Variants in LRRC63 observed in about 807,000 individuals in gnomAD.
LRRC63 encodes the protein leucine rich repeat containing 63.
A neutral mutation model predicts 49.5 loss-of-function variants in LRRC63; 40 were observed. That is an observed-to-expected ratio of 0.81 (90% CI 0.63 to 1.05). The LOEUF (loss-of-function observed/expected upper bound fraction) is 1.05, where lower values mean the gene tolerates loss of function less well. Ranked by LOEUF, LRRC63 falls within the 50% of genes least tolerant of loss-of-function variation. The pLI is 0.00. For synonymous variants in LRRC63, 191 were observed against 221.1 expected, an observed-to-expected ratio of 0.86 and a Z score of 1.21; for missense variants, 636 against 663.1, an observed-to-expected ratio of 0.96 and a Z score of 0.45.
intron 2 of LRRC63, among the ~76,000 whole-genome samples, chr13:46,213,621 G>C (rs1055641955): frequency 7.2e-5 from 11 of 152,202 alleles, no homozygotes; most frequent in Non-Finnish European, 1.5e-4. Flanking sequence ...GCTGTGATGG[G>C]CCTTACAGAG....
At chr13:46,232,809 T>G (rs555850070) in intron 4 of LRRC63, among the ~76,000 whole-genome samples, 1 of 152,288 alleles carries the variant, frequency 6.6e-6, no homozygotes, top group African/African-American at 2.4e-5. Flanking sequence ...TATATTTGAT[T>G]CAGATATTAG....
chr13:46,274,336 C>T (rs574612407), intron 9 of LRRC63, among the ~76,000 whole-genome samples: 2 of 152,280 alleles, frequency 1.3e-5, no homozygotes, highest in African/African-American at 4.8e-5. Flanking sequence ...ATTTGTCACC[C>T]AACCACTGTC....
At chr13:46,266,286 A>C (rs1390770708) in intron 8 of LRRC63, among the ~76,000 whole-genome samples, 1 of 152,256 alleles carries the variant, frequency 6.6e-6, no homozygotes, top group African/African-American at 2.4e-5. Flanking sequence ...GACCCAGTTA[A>C]TGAAAAGTCA....
At chr13:46,273,838 G>C (rs1023609551) in intron 9 of LRRC63, among the ~76,000 whole-genome samples, 1 of 151,362 alleles carries the variant, frequency 6.6e-6, no homozygotes, top group African/African-American at 2.4e-5. Context: ...CTTGAACCCA[G>C]GAGGCAGAGG....
intron 2 of LRRC63, among the ~76,000 whole-genome samples, chr13:46,216,663 G>A (rs552632343): frequency 8.4e-4 from 128 of 152,294 alleles, no homozygotes; most frequent in South Asian, 2.3e-3. Context: ...GGTGAGAGAG[G>A]GCATCCTTGT....
At chr13:46,219,248 T>C (rs1228525837) in intron 2 of LRRC63, among the ~76,000 whole-genome samples, 1 of 152,250 alleles carries the variant, frequency 6.6e-6, no homozygotes, top group Non-Finnish European at 1.5e-5. Context: ...CAATCAAATG[T>C]AGGTTTGGTC....
At chr13:46,240,149 C>T (rs1167710735) in intron 5 of LRRC63, among the ~76,000 whole-genome samples, 22 of 132,388 alleles carry the variant, frequency 1.7e-4, no homozygotes, top group East Asian at 8.9e-4. Context: ...TTTTTTTTGA[C>T]GGAGTCTCGC....
At chr13:46,265,462 C>A (rs1280520198) in intron 8 of LRRC63, among the ~76,000 whole-genome samples, 1 of 152,156 alleles carries the variant, frequency 6.6e-6, no homozygotes, top group African/African-American at 2.4e-5. Context: ...TATCAAGGCC[C>A]CAGCAGATGT....
intron 2 of LRRC63, among the ~76,000 whole-genome samples, chr13:46,222,014 C>T (rs1439231113): frequency 6.6e-6 from 1 of 152,170 alleles, no homozygotes; most frequent in East Asian, 1.9e-4. Context: ...TCCTCACTAA[C>T]ATCTGTTATT....
chr13:46,264,813 G>A (rs893432582), intron 8 of LRRC63, among the ~76,000 whole-genome samples: 2 of 152,146 alleles, frequency 1.3e-5, no homozygotes, highest in Admixed American at 1.3e-4. Flanking sequence ...CTGCACCTCA[G>A]GGTGCTCAGC....
intron 7 of LRRC63, among the ~76,000 whole-genome samples, chr13:46,258,068 C>T (rs1174540058): frequency 6.6e-6 from 1 of 150,848 alleles, no homozygotes; most frequent in African/African-American, 2.4e-5. Context: ...AAGACACTTT[C>T]AGAGGCAAGT....
At chr13:46,235,260 A>G (rs532454746) in intron 5 of LRRC63, among the ~76,000 whole-genome samples, 4 of 152,290 alleles carry the variant, frequency 2.6e-5, no homozygotes, top group Non-Finnish European at 5.9e-5. Flanking sequence ...TCTGTTGTGT[A>G]AGGAAATCAT....
chr13:46,237,686 TAAAC>T (rs1431346805), intron 5 of LRRC63, among the ~76,000 whole-genome samples: 8 of 152,016 alleles, frequency 5.3e-5, no homozygotes, highest in East Asian at 1.9e-4. Flanking sequence ...ATCAATAAAA[TAAAC>T]AAATCATTAG....
intron 7 of LRRC63, among the ~76,000 whole-genome samples, chr13:46,255,466 A>C (rs2138549032): frequency 6.6e-6 from 1 of 152,100 alleles, no homozygotes. Context: ...CAAAAAATAC[A>C]TAGAGCCTGG....
chr13:46,240,032 C>A (rs9595436), intron 5 of LRRC63, among the ~76,000 whole-genome samples: 27,937 of 152,004 alleles, frequency 0.18, 3,821 homozygotes, highest in African/African-American at 0.39. Context: ...ATGACAGACC[C>A]ACAGCCAACA....
rs143486652 is a variant in LRRC63 at position 46,253,777 on chromosome 13, G to C, written c.1226+3286G>C. Reference sequence around the variant, plus strand: ...AAAGTGCACTGAGAAGCCATTGCTTGTTTTTAAGCACAAGAGTGACAATGA... The same window carrying C: ...AAAGTGCACTGAGAAGCCATTGCTTCTTTTTAAGCACAAGAGTGACAATGA... On this transcript the variant is annotated intron_variant, in intron 7 of 9. Transcript: ENST00000595396. Among the ~76,000 whole-genome samples, 311 of 152,244 alleles carry C rather than the reference G, an allele frequency of 2.0e-3. 12 individuals are homozygous for C. The East Asian group carries it at 0.051, about 25-fold the overall frequency.
intron 4 of LRRC63, among the ~76,000 whole-genome samples, chr13:46,232,703 G>A (rs1188148722): frequency 2.0e-5 from 3 of 151,610 alleles, no homozygotes; most frequent in Non-Finnish European, 4.4e-5. Context: ...GTTCATCCTC[G>A]AAGTCCAACA....
chr13:46,242,998 T>C (rs1056941177), intron 5 of LRRC63, among the ~76,000 whole-genome samples: 1 of 152,144 alleles, frequency 6.6e-6, no homozygotes, highest in Non-Finnish European at 1.5e-5. Flanking sequence ...GTAAGAAAAT[T>C]GAAAACTAGA....
exon 5 of LRRC63, chr13:46,234,196 C>T (rs1399394783): frequency 7.7e-6 from 12 of 1,548,654 alleles, no homozygotes; most frequent in Non-Finnish European, 9.6e-6. Context: ...ATTTAGGTCT[C>T]ACCAAAACTG....
Sources: allele counts gnomAD v4.1 joint callset (sites outside exome capture counted in the v4.1 genomes callset), GRCh38; gene constraint gnomAD v4.1.1; transcripts MANE v1.5; gene names NCBI Gene and HGNC (gene_info 2026-07-23, HGNC 2026-07-21).